TNIK: variants seen among roughly 807,000 people sequenced by gnomAD.
The protein encoded by TNIK is TRAF2 and NCK interacting kinase.
In TNIK, 49 loss-of-function variants were observed where a neutral mutation model predicts 191.3. That is an observed-to-expected ratio of 0.26 (90% CI 0.20 to 0.32). The LOEUF is 0.32. TNIK is among the 10% of genes least tolerant of loss of function. The probability of loss-of-function intolerance (pLI) is 1.00; values close to 1 mark genes in which losing one functional copy is unlikely to be tolerated. For missense variants in TNIK, 1,155 were observed against 1,702.3 expected, an observed-to-expected ratio of 0.68 and a Z score of 5.66; for synonymous variants, 594 against 600.9, an observed-to-expected ratio of 0.99 and a Z score of 0.17.
intron 5 of TNIK, among the ~76,000 whole-genome samples, chr3:171,192,237 T>C (rs1738151729): frequency 6.6e-6 from 1 of 152,234 alleles, no homozygotes; most frequent in Non-Finnish European, 1.5e-5. Flanking sequence ...GGGGTTTAAA[T>C]GTGTGGTTTT....
intron 1 of TNIK, among the ~76,000 whole-genome samples, chr3:171,391,902 T>C (rs1719560468): frequency 6.6e-6 from 1 of 152,188 alleles, no homozygotes; most frequent in African/African-American, 2.4e-5. Context: ...TTTATTTCTG[T>C]TTTCTGTCAC....
rs539149848 is a variant in TNIK at position 171,305,109 on chromosome 3, G to T, written c.123+64511C>A. ...CCACAGACAAGCTTTAAGTGAGAAG[G>T]GTGCCTGAAAACAGTGCTAATAAAC... On this transcript the variant is annotated intron_variant, in intron 2 of 32. Coordinates refer to ENST00000436636, the MANE Select transcript of TNIK (RefSeq NM_015028.4). 4.1e-5 allele frequency among the ~76,000 whole-genome samples: 6 copies of T among 147,894 alleles called. No homozygotes were observed. In the South Asian group the frequency reaches 1.1e-3, roughly 27 times the overall value.
chr3:171,175,585 T>G (rs1481159978), intron 8 of TNIK, among the ~76,000 whole-genome samples: 3 of 152,154 alleles, frequency 2.0e-5, no homozygotes, highest in African/African-American at 7.2e-5. Flanking sequence ...ACTTCATATT[T>G]AAGGAAACTA....
At chr3:171,108,188 G>C (rs1725260303) in intron 19 of TNIK, 26 bp from the exon 20 acceptor site, 1 of 1,503,186 alleles carries the variant, frequency 6.7e-7, no homozygotes, top group Non-Finnish European at 8.9e-7. Context: ...AGAGGACCAA[G>C]AAAGAGATGG....
chr3:171,228,141 A>T (rs1743176370), intron 3 of TNIK, 24 bp downstream of exon 3: 2 of 1,613,242 alleles, frequency 1.2e-6, no homozygotes, highest in Non-Finnish European at 8.5e-7. Context: ...ATGGCTATTG[A>T]GATGGCAAAA....
intron 2 of TNIK, among the ~76,000 whole-genome samples, chr3:171,340,064 A>G (rs1389323300): frequency 6.6e-6 from 1 of 152,220 alleles, no homozygotes; most frequent in Admixed American, 6.5e-5. Context: ...CAGTAGATAC[A>G]TACAATCTAC....
intron 4 of TNIK, among the ~76,000 whole-genome samples, chr3:171,203,078 A>ATT (rs368539899): frequency 1.3e-5 from 2 of 148,478 alleles, no homozygotes; most frequent in Admixed American, 6.7e-5. Context: ...TGAGTGGTTA[A>ATT]TTTTTTTTTT....
Position 171,188,786 on chromosome 3 carries a change from C to T in TNIK, c.555G>A (p.Arg185=). ...AGTAGGGAGTTCCAATGAAAGTATT[C>T]CTCCTGCCCACTGTTCGATCAAGCT... ...SAQLDRTVGR[R]NTFIGTPYWM... Residue 185 remains arginine (R), a synonymous_variant, in exon 7 of 33, where the codon AGG becomes AGA. Transcript: ENST00000436636. 1 of 1,613,624 alleles carries T rather than the reference C, an allele frequency of 6.2e-7. No homozygotes were observed. The highest frequency in any genetic ancestry group is 8.5e-7 in the Non-Finnish European group (1 of 1,179,640).
At chr3:171,154,770 C>G (rs1002287246) in intron 12 of TNIK, among the ~76,000 whole-genome samples, 1 of 152,160 alleles carries the variant, frequency 6.6e-6, no homozygotes, top group African/African-American at 2.4e-5. Flanking sequence ...TGGACTCATT[C>G]ACTTTAGCTG....
intron 19 of TNIK, among the ~76,000 whole-genome samples, chr3:171,109,981 C>T (rs558927782): frequency 6.6e-6 from 1 of 151,898 alleles, no homozygotes; most frequent in African/African-American, 2.4e-5. Flanking sequence ...CTTGGCTCAC[C>T]ACAACCTCTG....
chr3:171,160,309 C>T (rs889063132), intron 11 of TNIK, among the ~76,000 whole-genome samples: 1 of 152,106 alleles, frequency 6.6e-6, no homozygotes, highest in Admixed American at 6.6e-5. Flanking sequence ...CTCAGTAGGT[C>T]TGAGTTAGCA....
intron 4 of TNIK, among the ~76,000 whole-genome samples, chr3:171,198,080 G>A (rs1738922563): frequency 6.6e-6 from 1 of 152,140 alleles, no homozygotes; most frequent in Non-Finnish European, 1.5e-5. Flanking sequence ...ATATTATTCA[G>A]CCATGGAAAG....
At chr3:171,354,602 G>A (rs1416988157) in intron 2 of TNIK, among the ~76,000 whole-genome samples, 2 of 152,144 alleles carry the variant, frequency 1.3e-5, no homozygotes, top group East Asian at 3.9e-4. Flanking sequence ...AATCTCCAGA[G>A]TTGATTGTTA....
chr3:171,144,176 T>G (rs774827381), intron 12 of TNIK, among the ~76,000 whole-genome samples: 1 of 152,232 alleles, frequency 6.6e-6, no homozygotes, highest in Non-Finnish European at 1.5e-5. Flanking sequence ...TGTCTTCTTG[T>G]AGGCATTGCT....
At chr3:171,113,371 C>A (rs947174159) in intron 18 of TNIK, among the ~76,000 whole-genome samples, 3 of 152,036 alleles carry the variant, frequency 2.0e-5, no homozygotes, top group African/African-American at 7.2e-5. Flanking sequence ...TTTGGGAGGC[C>A]AAGGCAGGCA....
At chr3:171,304,231 G>A (rs2108279286) in intron 2 of TNIK, among the ~76,000 whole-genome samples, 1 of 152,238 alleles carries the variant, frequency 6.6e-6, no homozygotes, top group East Asian at 1.9e-4. Context: ...GCCCCACAAG[G>A]AAAGCAGAGG....
chr3:171,194,599 C>T lies in TNIK; in HGVS notation c.343G>A (p.Asp115Asn), dbSNP rs929026771. Residue 115 changes from aspartate (D) to asparagine (N), a missense_variant, in exon 5 of 33, where the codon GAC becomes AAC. By Grantham distance (23) the Asp-to-Asn change is conservative. Transcript: ENST00000436636. ...TTACCTTTTGTGTTCTTGATCAGGT[C>T]GGTGACAGAGCCAGCACCACAAAAC... ...MEFCGAGSVT[D>N]LIKNTKGNTL... 3 of 1,613,812 alleles carry T rather than the reference C, an allele frequency of 1.9e-6. No homozygotes were observed. Among genetic ancestry groups the T allele is most frequent in the African/African-American group, 2.7e-5 (2 of 75,006 alleles).
At chr3:171,146,034 G>C (rs1166275020) in intron 12 of TNIK, among the ~76,000 whole-genome samples, 2 of 152,170 alleles carry the variant, frequency 1.3e-5, no homozygotes, top group Non-Finnish European at 2.9e-5. Flanking sequence ...TGTGATCTCA[G>C]AAAGCTTGTC....
chr3:171,228,342 A>C lies in TNIK; in HGVS notation c.124-121T>G, dbSNP rs969402605. The C allele has an allele frequency of 3.3e-6, 3 of 921,370 alleles. No individual in the cohort carries two copies. The African/African-American group carries it at 5.0e-5, about 15-fold the overall frequency. 57.1% of individuals were successfully genotyped at this position (921,370 alleles called of 1,614,324 possible). The stretch of plus-strand genomic sequence containing the variant: ...TACTATGTCAATGGGGGGAGAGAGA[A>C]AGACAGACACACACAGAAACACCAT... On this transcript the variant is annotated intron_variant, in intron 2 of 32. Transcript: ENST00000436636.
Sources: gnomAD v4.1 joint callset for allele counts (sites outside exome capture counted in the v4.1 genomes callset) on GRCh38, gnomAD v4.1.1 for gene constraint, MANE v1.5 for transcripts, NCBI Gene and HGNC (gene_info 2026-07-23, HGNC 2026-07-21) for gene names.